The following GPSM1 variants were observed in gnomAD, a reference collection of about 807,000 sequenced individuals.
GPSM1 encodes G protein-signaling modulator 1.
Under a neutral mutation model 70.5 loss-of-function variants are expected in GPSM1, and 48 were observed. The observed-to-expected ratio is 0.68, with a 90% CI of 0.54 to 0.87. GPSM1 has a LOEUF of 0.87. Among genes scored for constraint, GPSM1 ranks in the 40% least tolerant of loss-of-function variants. The pLI, the probability that GPSM1 is intolerant of heterozygous loss-of-function variation, is 0.00. For synonymous variants in GPSM1, 416 were observed against 430.1 expected (o/e 0.97, Z 0.41); for missense variants, 981 against 972.6 (o/e 1.01, Z -0.11).
At chr9:136,331,711 A>G (rs1278586908) in intron 1 of GPSM1, among the ~76,000 whole-genome samples, 1 of 152,180 alleles carries the variant, frequency 6.6e-6, no homozygotes, top group Non-Finnish European at 1.5e-5. Flanking sequence ...CGGGAGGGCA[A>G]TGCCGCTGGT....
chr9:136,347,054 G>A (rs1387262576), intron 9 of GPSM1, among the ~76,000 whole-genome samples: 7 of 152,136 alleles, frequency 4.6e-5, no homozygotes, highest in Non-Finnish European at 7.4e-5. Flanking sequence ...GCCTGGACAG[G>A]GTAAGGGGGT....
intron 11 of GPSM1, among the ~76,000 whole-genome samples, chr9:136,353,805 G>A (rs1212402794): frequency 2.0e-5 from 3 of 152,212 alleles, no homozygotes; most frequent in African/African-American, 7.2e-5. Context: ...TAGCCCAGGA[G>A]CCAGTTCCTT....
chr9:136,347,927 G>A (rs1343557027), intron 9 of GPSM1, among the ~76,000 whole-genome samples: 2 of 152,156 alleles, frequency 1.3e-5, no homozygotes, highest in African/African-American at 2.4e-5. Context: ...AGTGACACCC[G>A]TCTCTGCCAG....
rs1302879210 is a variant in GPSM1 at position 136,359,319 on chromosome 9, G to A, written c.*1099G>A. ...GGCCCCACAGCCCCCAGGGCTGGCA[G>A]TTCCATCTAGGAGGGTGCCTCTAGG... On this transcript the variant is annotated 3_prime_UTR_variant, in exon 14 of 14. Transcript: ENST00000440944. 1 of 152,208 alleles carries A rather than the reference G, an allele frequency of 6.6e-6. No individual in the cohort carries two copies. The highest frequency in any genetic ancestry group is 1.5e-5 in the Non-Finnish European group (1 of 68,044). 9.4% of individuals were successfully genotyped at this position (152,208 alleles called of 1,614,324 possible).
chr9:136,339,718 G>A lies in GPSM1; in HGVS notation c.986G>A (p.Gly329Asp). Reference protein sequence around the residue: ...AQELADRVGEGRACWSLGNAY... With the variant: ...AQELADRVGEDRACWSLGNAY... ...TCCCTCTCTGGCAGAGTGGGCGAGG[G>A]CCGGGCGTGCTGGAGCCTGGGAAAT... is the stretch of plus-strand genomic sequence containing the variant. Residue 329 changes from glycine (G) to aspartate (D), a missense_variant, in exon 8 of 14, where the codon GGC becomes GAC. By Grantham distance (94) the Gly-to-Asp change is moderately conservative (BLOSUM62 -1). Coordinates refer to ENST00000440944, the MANE Select transcript of GPSM1 (RefSeq NM_001145638.3). The A allele has an allele frequency of 6.5e-7, 1 of 1,549,504 alleles. No homozygotes were observed. The highest frequency in any genetic ancestry group is 8.7e-7 in the Non-Finnish European group (1 of 1,146,146).
chr9:136,333,365 A>G (rs1183179343), intron 1 of GPSM1, among the ~76,000 whole-genome samples: 2 of 151,854 alleles, frequency 1.3e-5, no homozygotes, highest in Admixed American at 1.3e-4. Flanking sequence ...GGAGGAGGAC[A>G]CCAGGCCCCA....
rs150831080 is a variant in GPSM1 at position 136,336,002 on chromosome 9, T to C, written c.327T>C (p.Ser109=). The C allele has an allele frequency of 1.2e-6, 2 of 1,612,494 alleles. No individual in the cohort carries two copies. The highest frequency in any genetic ancestry group is 2.7e-5 in the African/African-American group (2 of 75,042). ...ACCGCATGGGGGAGGCCAAGGCCAG[T>C]GGAAACCTGGGAAACACACTCAAGG... ...IGDRMGEAKA[S]GNLGNTLKVL... Residue 109 remains serine, a synonymous_variant, in exon 3 of 14, where the codon AGT becomes AGC. Coordinates refer to ENST00000440944, the MANE Select transcript of GPSM1 (RefSeq NM_001145638.3).
intron 9 of GPSM1, among the ~76,000 whole-genome samples, chr9:136,346,596 A>G (rs1832528440): frequency 6.6e-6 from 1 of 151,938 alleles, no homozygotes; most frequent in African/African-American, 2.4e-5. Flanking sequence ...GGAGGCTTGG[A>G]CTCCATTTGG....
chr9:136,339,799 T>G lies in GPSM1; in HGVS notation c.1067T>G (p.Leu356Arg). 6.5e-7 allele frequency: 1 copy of G among 1,544,472 alleles called. No homozygotes were observed. Among genetic ancestry groups the G allele is most frequent in the Non-Finnish European group, 8.7e-7 (1 of 1,143,124 alleles). The part of the protein sequence containing the change: ...AQALTFAKKH[L>R]QISQEIGDRH... ...GCCCTGACCTTCGCCAAGAAGCACC[T>G]GCAGATCTCCCAGGAGGTGAGCCAG... The change falls in exon 8 of 14, where the codon CTG (leucine) becomes CGG (arginine). Residue 356 changes from leucine (L) to arginine (R), a missense_variant. Physicochemically the swap from Leu to Arg is moderately radical, Grantham distance 102 (BLOSUM62 -2). Transcript: ENST00000440944.
chr9:136,327,781 C>A lies in GPSM1; in HGVS notation c.68+18C>A. The A allele has an allele frequency of 9.6e-7, 1 of 1,038,292 alleles. No homozygotes were observed. Among genetic ancestry groups the A allele is most frequent in the Non-Finnish European group, 1.2e-6 (1 of 825,626 alleles). 64.3% of individuals were successfully genotyped at this position (1,038,292 alleles called of 1,614,324 possible). ...TACTCCAGGTAGGACGGGCCGGGGC[C>A]GGGGCCGGGGCCGGGGCTGGGACCG... On this transcript the variant is annotated intron_variant, in intron 1 of 13. Transcript: ENST00000440944.
intron 11 of GPSM1, among the ~76,000 whole-genome samples, chr9:136,351,729 G>C (rs557147461): frequency 6.6e-6 from 1 of 152,236 alleles, no homozygotes. Flanking sequence ...CAACCACCGC[G>C]GGGCAGGACG....
At chr9:136,351,920 C>T (rs944898555) in intron 11 of GPSM1, among the ~76,000 whole-genome samples, 9 of 151,888 alleles carry the variant, frequency 5.9e-5, no homozygotes, top group Non-Finnish European at 1.0e-4. Flanking sequence ...GGGACTGCAG[C>T]GAGGGTGGGT....
At position 136,343,491 on chromosome 9, in the gene GPSM1, G is replaced by A. The variant is rs1457174609; in HGVS notation, c.1207+2498G>A. Among the ~76,000 whole-genome samples the A allele has an allele frequency of 2.6e-5, 4 of 152,252 alleles. No individual in the cohort carries two copies. Among genetic ancestry groups the A allele is most frequent in the East Asian group, 3.8e-4 (2 of 5,196 alleles). ...CCACCGTCTGGGCCCTGCTCAGGGC[G>A]TTGTGAGCACGGTACACAAGAGTTA... On this transcript the variant is annotated intron_variant, in intron 9 of 13. Transcript: ENST00000440944. The surrounding 1 kb of genome is among the most constrained non-coding windows in gnomAD (Gnocchi z 6.0).
In GPSM1 at chr9:136,341,870, C is replaced by A; in HGVS notation, c.1207+877C>A. 1.4e-6 allele frequency: 1 copy of A among 730,110 alleles called. No individual in the cohort carries two copies. The highest frequency in any genetic ancestry group is 1.7e-6 in the Non-Finnish European group (1 of 596,606). 45.2% of individuals were successfully genotyped at this position (730,110 alleles called of 1,614,324 possible). On this transcript the variant is annotated intron_variant, in intron 9 of 13. Transcript: ENST00000440944. The surrounding 1 kb of genome is among the most constrained non-coding windows in gnomAD (Gnocchi z 6.7). ...CTCACTATGTTGCCCAGGCCAGTGT[C>A]AAACTCCCAGCCTCAAGCGATCCTC...
chr9:136,350,461 C>A (rs782395065), intron 11 of GPSM1, among the ~76,000 whole-genome samples: 1 of 152,228 alleles, frequency 6.6e-6, no homozygotes, highest in Non-Finnish European at 1.5e-5. Flanking sequence ...TGGTCAGGCC[C>A]TGGTGTGGAA....
Position 136,340,718 on chromosome 9 carries a change from T to C in GPSM1, c.1084-152T>C, listed in dbSNP as rs1832367134. ...ACTCCACCTCCGGGTCCACAGTGAG[T>C]CCTGGTTCCCTCAGAGGCCCAGGGG... On this transcript the variant is annotated intron_variant, in intron 8 of 13. Transcript: ENST00000440944. The surrounding 1 kb of genome is among the most constrained non-coding windows in gnomAD (Gnocchi z 7.3). The C allele has an allele frequency of 8.7e-7, 1 of 1,146,788 alleles. No individual in the cohort carries two copies. Among genetic ancestry groups the C allele is most frequent in the Non-Finnish European group, 1.2e-6 (1 of 837,290 alleles). The allele number at this position is 1,146,788 out of a possible 1,614,324, so 71.0% of individuals were successfully genotyped here. A position where few individuals can be genotyped will look rare whatever the true frequency, so the allele number is the denominator to read the frequency against.
intron 8 of GPSM1, 97 bp downstream of exon 8, chr9:136,339,912 G>A: frequency 1.3e-6 from 1 of 754,646 alleles, no homozygotes; most frequent in African/African-American, 1.7e-5. Flanking sequence ...GCGTGCCTGG[G>A]CCCCCCTCAT....
At chr9:136,332,839 C>CAA (rs150554566) in intron 1 of GPSM1, among the ~76,000 whole-genome samples, 35 of 66,050 alleles carry the variant, frequency 5.3e-4, no homozygotes, top group East Asian at 1.7e-3. Context: ...CCATCTCTAC[C>CAA]AAAAAAAAAA....
rs1441555388 is a variant in GPSM1 at position 136,359,426 on chromosome 9, G to A, written c.*1206G>A. On this transcript the variant is annotated 3_prime_UTR_variant, in exon 14 of 14. Transcript: ENST00000440944. ...TCTGGAGGGGCAGGGCCGCACCCGAGAGCAGGGACAGGTGCCCGAACACAG... is the reference window on the plus strand; with the variant it reads ...TCTGGAGGGGCAGGGCCGCACCCGAAAGCAGGGACAGGTGCCCGAACACAG... 6.6e-6 allele frequency: 1 copy of A among 152,276 alleles called. No individual in the cohort carries two copies. The highest frequency in any genetic ancestry group is 1.5e-5 in the Non-Finnish European group (1 of 68,044). 9.4% of individuals were successfully genotyped at this position (152,276 alleles called of 1,614,324 possible). A position where few individuals can be genotyped will look rare whatever the true frequency, so the allele number is the denominator to read the frequency against.
Sources: allele counts gnomAD v4.1 joint callset (sites outside exome capture counted in the v4.1 genomes callset), GRCh38; gene constraint gnomAD v4.1.1; non-coding constraint Gnocchi (gnomAD v3.1); transcripts MANE v1.5; gene names NCBI Gene and HGNC (gene_info 2026-07-23, HGNC 2026-07-21).